Variants in PROKR1 observed in about 807,000 individuals in gnomAD.
The protein encoded by PROKR1 is prokineticin receptor 1, also known as G protein-coupled receptor 73.
PROKR1 carries 21 observed loss-of-function variants against 22.8 expected under a neutral mutation model. That is an observed-to-expected ratio of 0.92 (90% CI 0.65 to 1.32). PROKR1 has a LOEUF of 1.32. Ranked by LOEUF, PROKR1 falls within the 40% of genes most tolerant of loss-of-function variation. PROKR1 has a pLI of 0.00. For synonymous variants in PROKR1, 193 were observed against 207.5 expected, an observed-to-expected ratio of 0.93 and a Z score of 0.60; for missense variants, 548 against 514.2, an observed-to-expected ratio of 1.07 and a Z score of -0.64.
At chr2:68,651,088 G>A (rs999894249) in intron 2 of PROKR1, among the ~76,000 whole-genome samples, 1 of 152,204 alleles carries the variant, frequency 6.6e-6, no homozygotes, top group Non-Finnish European at 1.5e-5. Flanking sequence ...GAGGCCAGGT[G>A]TGGTGGCTCA....
rs767871433 is a variant in PROKR1, at chr2:68,645,868, C to T, written c.47C>T (p.Ser16Phe). 4 of 1,614,226 alleles carry T rather than the reference C, an allele frequency of 2.5e-6. No homozygotes were observed. The highest frequency in any genetic ancestry group is 3.4e-6 in the Non-Finnish European group (4 of 1,180,050). Residue 16 changes from serine (S) to phenylalanine (F), a missense_variant, in exon 2 of 3, where the codon TCC becomes TTC. By Grantham distance (155) the Ser-to-Phe change is radical. Coordinates refer to ENST00000303786, the MANE Select transcript of PROKR1 (RefSeq NM_138964.4). Reference sequence around the variant, plus strand: ...ATGGATGACAATGCCACCAACACTTCCACCAGCTTCCTTTCTGTGCTCAAC... The same window carrying T: ...ATGGATGACAATGCCACCAACACTTTCACCAGCTTCCTTTCTGTGCTCAAC... ...GFMDDNATNT[S>F]TSFLSVLNPH...
intron 2 of PROKR1, among the ~76,000 whole-genome samples, chr2:68,654,226 G>T (rs1673393949): frequency 6.6e-6 from 1 of 152,166 alleles, no homozygotes; most frequent in African/African-American, 2.4e-5. Context: ...AACAGCCCAA[G>T]AACAGGAAGG....
At chr2:68,654,783 G>C (rs1382249720) in intron 2 of PROKR1, 97 bp from the exon 3 acceptor site, 2 of 1,200,592 alleles carry the variant, frequency 1.7e-6, no homozygotes, top group African/African-American at 1.5e-5. Context: ...CTCCAGCCTG[G>C]GTGACAGAGC....
rs962519874 is a variant in PROKR1, at chr2:68,646,280, T to A, written c.459T>A (p.Asn153Lys). ...LRTVSLYVST[N>K]ALLAIAIDRY... is the part of the protein sequence containing the mutation. ...CTGTCTCTCTCTATGTCTCCACCAA[T>A]GCCCTGCTGGCCATCGCCATTGACA... is the stretch of plus-strand genomic sequence containing the variant. The change falls in exon 2 of 3, where the codon AAT (asparagine) becomes AAA (lysine). Residue 153 changes from asparagine (N) to lysine (K), a missense_variant. Coordinates refer to ENST00000303786, the MANE Select transcript of PROKR1 (RefSeq NM_138964.4). 3 of 1,614,082 alleles carry A rather than the reference T, an allele frequency of 1.9e-6. No individual in the cohort carries two copies. The highest frequency in any genetic ancestry group is 2.5e-6 in the Non-Finnish European group (3 of 1,180,036).
At chr2:68,644,818 A>G (rs1573331435) in intron 1 of PROKR1, among the ~76,000 whole-genome samples, 1 of 152,126 alleles carries the variant, frequency 6.6e-6, no homozygotes, top group Non-Finnish European at 1.5e-5. Flanking sequence ...TGTCCCCACC[A>G]GGGCAGCTGA....
Position 68,645,979 on chromosome 2 carries a change from C to T in PROKR1, c.158C>T (p.Thr53Ile). ...CCTTTGGATGAAGATGAGGATGTGA[C>T]CAATTCCAGGACGTTCTTTGCTGCC... The part of the protein sequence containing the change: ...DMPLDEDEDV[T>I]NSRTFFAAKI... The change falls in exon 2 of 3, where the codon ACC (threonine) becomes ATC (isoleucine). Residue 53 changes from threonine (T) to isoleucine (I), a missense_variant. By Grantham distance (89) the Thr-to-Ile change is moderately conservative. Coordinates refer to ENST00000303786, the MANE Select transcript of PROKR1 (RefSeq NM_138964.4). 3 of 1,614,258 alleles carry T rather than the reference C, an allele frequency of 1.9e-6. No homozygotes were observed. The highest frequency in any genetic ancestry group is 2.5e-6 in the Non-Finnish European group (3 of 1,180,050).
chr2:68,655,252 C>T lies in PROKR1; in HGVS notation c.858C>T (p.Leu286=), dbSNP rs1673420931. 1 of 1,614,254 alleles carries T rather than the reference C, an allele frequency of 6.2e-7. No homozygotes were observed. The highest frequency in any genetic ancestry group is 8.5e-7 in the Non-Finnish European group (1 of 1,180,048). Reference sequence around the variant, plus strand: ...GCCGCAGGAAGACGGTCCTGGTGCTCATGTGCATCCTCACCGCCTACGTGC... The same window carrying T: ...GCCGCAGGAAGACGGTCCTGGTGCTTATGTGCATCCTCACCGCCTACGTGC... The part of the protein sequence containing the change: ...LRCRRKTVLV[L]MCILTAYVLC... Residue 286 remains leucine, a synonymous_variant, in exon 3 of 3, where the codon CTC becomes CTT. Coordinates refer to ENST00000303786, the MANE Select transcript of PROKR1 (RefSeq NM_138964.4).
intron 1 of PROKR1, among the ~76,000 whole-genome samples, chr2:68,645,034 T>C (rs1210154842): frequency 3.9e-5 from 6 of 152,154 alleles, no homozygotes; most frequent in Admixed American, 1.3e-4. Context: ...AAGTTGAACC[T>C]CTGAGTGTTT....
At chr2:68,650,637 A>T (rs1275249781) in intron 2 of PROKR1, among the ~76,000 whole-genome samples, 1 of 152,160 alleles carries the variant, frequency 6.6e-6, no homozygotes, top group African/African-American at 2.4e-5. Flanking sequence ...AAAAGGTTAT[A>T]AAAGAAGTAA....
chr2:68,647,067 T>C (rs1311707738), intron 2 of PROKR1, among the ~76,000 whole-genome samples: 1 of 151,204 alleles, frequency 6.6e-6, no homozygotes, highest in Non-Finnish European at 1.5e-5. Context: ...AATAAATAAA[T>C]AAAAATAAAA....
In PROKR1 at chr2:68,655,300, C is replaced by T. The variant is rs1268314894; in HGVS notation, c.906C>T (p.Gly302=). Residue 302 remains glycine (G), a synonymous_variant, in exon 3 of 3, where the codon GGC becomes GGT. Transcript: ENST00000303786. The part of the protein sequence containing the change: ...AYVLCWAPFY[G]FTIVRDFFPT... ...TGCTATGCTGGGCGCCCTTCTACGG[C>T]TTCACCATCGTGCGCGACTTCTTCC... is the stretch of plus-strand genomic sequence containing the variant. The T allele has an allele frequency of 4.3e-6, 7 of 1,614,154 alleles. No homozygotes were observed. In the East Asian group the frequency reaches 6.7e-5, roughly 15 times the overall value.
chr2:68,651,364 C>G (rs78789168), intron 2 of PROKR1, among the ~76,000 whole-genome samples: 7 of 152,096 alleles, frequency 4.6e-5, no homozygotes, highest in East Asian at 3.9e-4. Flanking sequence ...AAGATCCTGT[C>G]TTTTAAAAAG....
chr2:68,647,769 A>G (rs937653492), intron 2 of PROKR1, among the ~76,000 whole-genome samples: 1 of 152,078 alleles, frequency 6.6e-6, no homozygotes, highest in Non-Finnish European at 1.5e-5. Context: ...GCAGAGTGCT[A>G]CTTCTTCTTG....
intron 2 of PROKR1, among the ~76,000 whole-genome samples, chr2:68,654,583 C>G (rs1673398693): frequency 6.6e-6 from 1 of 152,056 alleles, no homozygotes; most frequent in South Asian, 2.1e-4. Context: ...TGCTTGAGCC[C>G]AGGAGTTTGA....
At position 68,656,013 on chromosome 2, in the gene PROKR1, G is replaced by A. The variant is rs1395492645; in HGVS notation, c.*437G>A. ...CTTCATGCCTAACATTTGCAAGGCT[G>A]GAGCAAGAATACGAAAGGGACTCTA... On this transcript the variant is annotated 3_prime_UTR_variant, in exon 3 of 3. Coordinates refer to ENST00000303786, the MANE Select transcript of PROKR1 (RefSeq NM_138964.4). 2 of 266,894 alleles carry A rather than the reference G, an allele frequency of 7.5e-6. No homozygotes were observed. The highest frequency in any genetic ancestry group is 1.0e-4 in the East Asian group (1 of 9,854). 16.5% of individuals were successfully genotyped at this position (266,894 alleles called of 1,614,324 possible). A position where few individuals can be genotyped will look rare whatever the true frequency, so the allele number is the denominator to read the frequency against.
rs1673167524 is a variant in PROKR1 at position 68,646,023 on chromosome 2, G to A, written c.202G>A (p.Ala68Thr). Reference protein sequence around the residue: ...FFAAKIVIGMALVGIMLVCGI... With the variant: ...FFAAKIVIGMTLVGIMLVCGI... ...TGCTGCCAAGATTGTCATTGGGATG[G>A]CCCTGGTGGGCATCATGCTGGTCTG... is the stretch of plus-strand genomic sequence containing the variant. Residue 68 changes from alanine (A) to threonine (T), a missense_variant, in exon 2 of 3, where the codon GCC (alanine) becomes ACC (threonine). Coordinates refer to ENST00000303786, the MANE Select transcript of PROKR1 (RefSeq NM_138964.4). 16 of 1,614,124 alleles carry A rather than the reference G, an allele frequency of 9.9e-6. No individual in the cohort carries two copies. In the East Asian group the frequency reaches 2.9e-4, roughly 29 times the overall value.
At position 68,646,045 on chromosome 2, in the gene PROKR1, T is replaced by C; in HGVS notation, c.224T>C (p.Val75Ala). 1 of 1,614,236 alleles carries C rather than the reference T, an allele frequency of 6.2e-7. No homozygotes were observed. The highest frequency in any genetic ancestry group is 8.5e-7 in the Non-Finnish European group (1 of 1,180,046). Residue 75 changes from valine (V) to alanine (A), a missense_variant, in exon 2 of 3, where the codon GTC becomes GCC. By Grantham distance (64) the Val-to-Ala change is moderately conservative. Coordinates refer to ENST00000303786, the MANE Select transcript of PROKR1 (RefSeq NM_138964.4). ...ATGGCCCTGGTGGGCATCATGCTGGTCTGCGGCATTGGAAACTTCATCTTT... is the reference window on the plus strand; with the variant it reads ...ATGGCCCTGGTGGGCATCATGCTGGCCTGCGGCATTGGAAACTTCATCTTT... The part of the protein sequence containing the change: ...IGMALVGIML[V>A]CGIGNFIFIA...
At chr2:68,654,806 CAA>C (rs57056816) in intron 2 of PROKR1, 72 bp from the exon 3 acceptor site, 59,375 of 1,131,300 alleles carry the variant, frequency 0.052, 2 homozygotes, top group South Asian at 0.064. Context: ...AACCCTGTTT[CAA>C]AAAAAAAAAA....
chr2:68,644,062 C>T (rs981640010), intron 1 of PROKR1, among the ~76,000 whole-genome samples: 17 of 152,164 alleles, frequency 1.1e-4, no homozygotes, highest in Admixed American at 2.6e-4. Context: ...GGGGACTTGC[C>T]AGCAGGGGTT....
Sources: gnomAD v4.1 joint callset for allele counts (sites outside exome capture counted in the v4.1 genomes callset) on GRCh38, gnomAD v4.1.1 for gene constraint, MANE v1.5 for transcripts, NCBI Gene and HGNC (gene_info 2026-07-23, HGNC 2026-07-21) for gene names.